The following SEMA3D variants were observed in gnomAD, a reference collection of about 807,000 sequenced individuals.
SEMA3D encodes semaphorin 3D, also known as semaphorin-3D.
Under a neutral mutation model 100.1 loss-of-function variants are expected in SEMA3D, and 84 were observed. The observed-to-expected ratio is 0.84, with a 90% CI of 0.70 to 1.01. The LOEUF is 1.01. Among genes scored for constraint, SEMA3D ranks in the 50% least tolerant of loss-of-function variants. The pLI is 0.00. For synonymous variants in SEMA3D, 312 were observed against 320.7 expected (o/e 0.97, Z 0.29); for missense variants, 875 against 934.1 (o/e 0.94, Z 0.82).
chr7:85,147,092 CTTT>C (rs752922884), intron 2 of SEMA3D, among the ~76,000 whole-genome samples: 15 of 48,152 alleles, frequency 3.1e-4, no homozygotes, highest in East Asian at 2.8e-3. Flanking sequence ...TTTTTCTTTT[CTTT>C]TTTTTTTTTT....
chr7:85,031,954 T>A (rs1005730099), intron 12 of SEMA3D, among the ~76,000 whole-genome samples: 11 of 151,916 alleles, frequency 7.2e-5, no homozygotes, highest in Non-Finnish European at 1.5e-5. Flanking sequence ...AGGTGGGACA[T>A]TCGGCAGTAT....
chr7:85,196,928 ACT>A, the SEMA3D span, among the ~76,000 whole-genome samples: 1 of 152,030 alleles, frequency 6.6e-6, no homozygotes, highest in East Asian at 1.9e-4. Flanking sequence ...TGAGGACTAA[ACT>A]CTGATTTTTT....
Position 85,046,231 on chromosome 7 carries a change from G to T in SEMA3D, c.862-3946C>A, listed in dbSNP as rs527726892. Among the ~76,000 whole-genome samples the T allele has an allele frequency of 2.0e-5, 3 of 151,930 alleles. No individual in the cohort carries two copies. The South Asian group carries it at 6.2e-4, about 32-fold the overall frequency. On this transcript the variant is annotated intron_variant, in intron 9 of 18. Transcript: ENST00000284136. Reference sequence around the variant, plus strand: ...TATCCTCTTTTAAACATTTTACTATGTAAAAGTGATAATAAATGTTCATTT... The same window carrying T: ...TATCCTCTTTTAAACATTTTACTATTTAAAAGTGATAATAAATGTTCATTT...
chr7:85,061,318 T>G (rs1048713631), intron 8 of SEMA3D, among the ~76,000 whole-genome samples: 2 of 152,126 alleles, frequency 1.3e-5, no homozygotes, highest in Non-Finnish European at 1.5e-5. Flanking sequence ...AGAAAAATTC[T>G]GAGAAGGATC....
intron 12 of SEMA3D, chr7:85,028,094 T>A: frequency 1.6e-6 from 1 of 625,456 alleles, no homozygotes; most frequent in Non-Finnish European, 3.0e-6. Flanking sequence ...ATATGACATA[T>A]TGGCCTTTCA....
chr7:85,081,489 A>C, intron 5 of SEMA3D, 28 bp downstream of exon 5: 1 of 1,467,786 alleles, frequency 6.8e-7, no homozygotes, highest in Non-Finnish European at 9.5e-7. Flanking sequence ...AAGTTTTACA[A>C]AGATAATTGT....
At chr7:85,049,417 A>G (rs2116039309) in intron 9 of SEMA3D, among the ~76,000 whole-genome samples, 1 of 151,998 alleles carries the variant, frequency 6.6e-6, no homozygotes, top group Non-Finnish European at 1.5e-5. Flanking sequence ...CACTATCCTG[A>G]ACAACTCAGT....
chr7:85,215,685 T>C, the SEMA3D span, among the ~76,000 whole-genome samples: 1 of 152,156 alleles, frequency 6.6e-6, no homozygotes, highest in Admixed American at 6.6e-5. Context: ...AAATTAAATA[T>C]ACATTTATTA....
chr7:85,147,082 T>TTTTTCTTTTC (rs1306493240), intron 2 of SEMA3D, among the ~76,000 whole-genome samples: 1 of 125,610 alleles, frequency 8.0e-6, no homozygotes, highest in Non-Finnish European at 1.7e-5. Context: ...CTTTCTTTTC[T>TTTTTCTTTTC]TTTTCTTTTC....
chr7:85,097,679 T>C (rs1788602699), intron 4 of SEMA3D, 126 bp downstream of exon 4: 2 of 501,828 alleles, frequency 4.0e-6, no homozygotes, highest in South Asian at 1.1e-4. Flanking sequence ...TTTATGCTGC[T>C]TTTTGACATG....
the SEMA3D span, among the ~76,000 whole-genome samples, chr7:85,199,771 T>C: frequency 3.3e-5 from 5 of 152,230 alleles, no homozygotes; most frequent in Non-Finnish European, 7.3e-5. Flanking sequence ...TCAGCTAAAA[T>C]TGTTCATTCT....
At chr7:85,067,986 G>A (rs1791672726) in intron 7 of SEMA3D, among the ~76,000 whole-genome samples, 1 of 152,126 alleles carries the variant, frequency 6.6e-6, no homozygotes, top group Non-Finnish European at 1.5e-5. Flanking sequence ...AAAAGTAACT[G>A]TGCAGACACC....
At chr7:85,197,667 T>A in the SEMA3D span, among the ~76,000 whole-genome samples, 2 of 152,148 alleles carry the variant, frequency 1.3e-5, no homozygotes, top group Non-Finnish European at 2.9e-5. Context: ...TCAGAATAAA[T>A]CTCTTAAAAT....
Position 84,996,837 on chromosome 7 carries a change from A to G in SEMA3D, c.*2603T>C, listed in dbSNP as rs1028014432. On this transcript the variant is annotated 3_prime_UTR_variant, in exon 19 of 19. Transcript: ENST00000284136. ...TTTTCTTTTTCATTATTTTAAGGCAAATTTGATAAAATAGTCAGTGGTGAG... is the reference window on the plus strand; with the variant it reads ...TTTTCTTTTTCATTATTTTAAGGCAGATTTGATAAAATAGTCAGTGGTGAG... 5.9e-5 allele frequency: 9 copies of G among 151,968 alleles called. No homozygotes were observed. Among genetic ancestry groups the G allele is most frequent in the Admixed American group, 2.0e-4 (3 of 15,260 alleles). The allele number at this position is 151,968 out of a possible 1,614,324, so 9.4% of individuals were successfully genotyped here.
Position 85,037,053 on chromosome 7 carries a change from T to C in SEMA3D, c.1047-20A>G. 2 of 1,606,408 alleles carry C rather than the reference T, an allele frequency of 1.2e-6. No homozygotes were observed. Among genetic ancestry groups the C allele is most frequent in the Non-Finnish European group, 1.7e-6 (2 of 1,176,976 alleles). On this transcript the variant is annotated intron_variant, in intron 11 of 18. Transcript: ENST00000284136. ...ATGGAGCTGGAAAAAAAAAGCATCA[T>C]CATTCAATCATTCACTGATGAATTC... is the stretch of plus-strand genomic sequence containing the variant.
the SEMA3D span, among the ~76,000 whole-genome samples, chr7:85,231,436 C>CTTTT: frequency 4.5e-4 from 53 of 117,862 alleles, 2 homozygotes; most frequent in African/African-American, 1.3e-3. Flanking sequence ...CAATCTTTCC[C>CTTTT]TTTTTTTTTT....
At chr7:85,185,357 C>T (rs905879080) in intron 1 of SEMA3D, among the ~76,000 whole-genome samples, 3 of 151,982 alleles carry the variant, frequency 2.0e-5, no homozygotes, top group African/African-American at 4.8e-5. Flanking sequence ...ACCCCGCCAT[C>T]CCCCGCTAGC....
chr7:85,019,689 T>G (rs186563344), intron 14 of SEMA3D, among the ~76,000 whole-genome samples: 101 of 151,824 alleles, frequency 6.7e-4, no homozygotes, highest in Admixed American at 1.6e-3. Context: ...AATTGAGAGT[T>G]ATTGTTAAAA....
chr7:85,186,853 G>A lies in SEMA3D; in HGVS notation c.-348C>T, dbSNP rs1791568868. ...CCGGCAGCCCTGGCAGAGCCGGGAA[G>A]CTGCGGCCGCAGGGGCCAGGCCGGG... On this transcript the variant is annotated 5_prime_UTR_variant, in exon 1 of 19. Transcript: ENST00000284136. 6.6e-6 allele frequency: 1 copy of A among 152,260 alleles called. No homozygotes were observed. The highest frequency in any genetic ancestry group is 2.4e-5 in the African/African-American group (1 of 41,434). The allele number at this position is 152,260 out of a possible 1,614,324, so 9.4% of individuals were successfully genotyped here.
Sources: allele counts gnomAD v4.1 joint callset (sites outside exome capture counted in the v4.1 genomes callset), GRCh38; gene constraint gnomAD v4.1.1; transcripts MANE v1.5; gene names NCBI Gene and HGNC (gene_info 2026-07-23, HGNC 2026-07-21).